The following CNTN3 variants were observed in gnomAD, a reference collection of about 807,000 sequenced individuals.
The protein encoded by CNTN3 is contactin 3.
CNTN3 carries 60 observed loss-of-function variants against 119.1 expected under a neutral mutation model. The observed-to-expected ratio is 0.50, with a 90% CI of 0.41 to 0.62. CNTN3 has a LOEUF of 0.62. Among genes scored for constraint, CNTN3 ranks in the 20% least tolerant of loss-of-function variants. The pLI is 0.00. For synonymous variants in CNTN3, 450 were observed against 438.7 expected (o/e 1.03, Z -0.32); for missense variants, 1,101 against 1,242.4 (o/e 0.89, Z 1.71).
At chr3:74,591,910 A>G (rs764339351) in intron 1 of CNTN3, among the ~76,000 whole-genome samples, 5 of 151,930 alleles carry the variant, frequency 3.3e-5, no homozygotes, top group East Asian at 1.9e-4. Flanking sequence ...CAGAAGCACC[A>G]GAGATGTAGA....
intron 4 of CNTN3, among the ~76,000 whole-genome samples, chr3:74,467,986 T>C (rs1171053182): frequency 6.6e-6 from 1 of 152,188 alleles, no homozygotes; most frequent in East Asian, 1.9e-4. Context: ...TGGCATTATA[T>C]CGGAACAAAA....
At chr3:74,462,362 A>C (rs564960661) in intron 4 of CNTN3, among the ~76,000 whole-genome samples, 1 of 152,064 alleles carries the variant, frequency 6.6e-6, no homozygotes, top group Non-Finnish European at 1.5e-5. Context: ...ATTTAATCTT[A>C]ATCTACTCTC....
chr3:74,445,867 C>G (rs1408132146), intron 4 of CNTN3, among the ~76,000 whole-genome samples: 1 of 152,098 alleles, frequency 6.6e-6, no homozygotes, highest in Non-Finnish European at 1.5e-5. Context: ...CAGAAATAAA[C>G]CTGAAATTGG....
rs560527583 is a variant in CNTN3, at chr3:74,517,542, C to T, written c.55+3516G>A. ...ATAATTCAGTTTTATCAAAGTATTA[C>T]GGACCTCAATGTATTTTCTTCCCCC... is the stretch of plus-strand genomic sequence containing the variant. On this transcript the variant is annotated intron_variant, in intron 2 of 22. Coordinates refer to ENST00000263665, the MANE Select transcript of CNTN3 (RefSeq NM_020872.3). 3.3e-5 allele frequency among the ~76,000 whole-genome samples: 5 copies of T among 151,970 alleles called. No homozygotes were observed. The East Asian group carries it at 5.8e-4, about 18-fold the overall frequency.
intron 11 of CNTN3, among the ~76,000 whole-genome samples, chr3:74,357,290 TA>T (rs1174398196): frequency 8.6e-5 from 13 of 151,658 alleles, no homozygotes; most frequent in Non-Finnish European, 1.5e-4. Context: ...CAATTATTAT[TA>T]TTTTTTTAAT....
At chr3:74,287,187 A>T (rs1319245212) in intron 19 of CNTN3, among the ~76,000 whole-genome samples, 1 of 152,204 alleles carries the variant, frequency 6.6e-6, no homozygotes, top group Non-Finnish European at 1.5e-5. Context: ...ATGAGGCAAT[A>T]CAATTTTTTC....
At chr3:74,407,961 T>C (rs1396322679) in intron 5 of CNTN3, among the ~76,000 whole-genome samples, 1 of 152,168 alleles carries the variant, frequency 6.6e-6, no homozygotes, top group Non-Finnish European at 1.5e-5. Context: ...GGTTCCCCAA[T>C]GGTTGTTGGT....
At position 74,371,234 on chromosome 3, in the gene CNTN3, A is replaced by T. The variant is rs207463214; in HGVS notation, c.620T>A (p.Val207Glu). The T allele has an allele frequency of 6.2e-7, 1 of 1,613,354 alleles. No individual in the cohort carries two copies. The highest frequency in any genetic ancestry group is 1.7e-5 in the Admixed American group (1 of 59,912). The change falls in exon 6 of 23, where the codon GTG (valine) becomes GAG (glutamate). Residue 207 changes from valine to glutamate, a missense_variant. Val to Glu is a moderately radical substitution (Grantham distance 121). Transcript: ENST00000263665. ...VVTSMVTNAR[V>E]LGSPTPLVLR... ...CACCAAAGGAGTTGGAGAGCCCAGC[A>T]CTCGGGCATTTGTCACCATACTTGT...
chr3:74,470,990 C>T (rs1304033278), intron 4 of CNTN3, among the ~76,000 whole-genome samples: 2 of 152,062 alleles, frequency 1.3e-5, no homozygotes, highest in Non-Finnish European at 2.9e-5. Flanking sequence ...GATTCTCCTG[C>T]CTCAGCCTCC....
At chr3:74,330,081 C>T (rs1041041225) in intron 13 of CNTN3, among the ~76,000 whole-genome samples, 1 of 152,146 alleles carries the variant, frequency 6.6e-6, no homozygotes, top group Non-Finnish European at 1.5e-5. Context: ...GCTGCCTGGG[C>T]CTAGTGCCTC....
At chr3:74,592,074 A>G (rs1575852808) in intron 1 of CNTN3, among the ~76,000 whole-genome samples, 1 of 152,076 alleles carries the variant, frequency 6.6e-6, no homozygotes, top group East Asian at 1.9e-4. Context: ...CCAAAAGTTC[A>G]GTGGTATAAA....
intron 13 of CNTN3, among the ~76,000 whole-genome samples, chr3:74,320,821 A>G (rs532292041): frequency 6.6e-5 from 10 of 152,250 alleles, no homozygotes; most frequent in African/African-American, 2.2e-4. Context: ...GCAATTTTTC[A>G]TGTATGCCAG....
chr3:74,465,820 C>T (rs1702451025), intron 4 of CNTN3, among the ~76,000 whole-genome samples: 1 of 152,044 alleles, frequency 6.6e-6, no homozygotes, highest in Admixed American at 6.6e-5. Flanking sequence ...GTGTCTGAAC[C>T]CTGAAGGAGA....
At chr3:74,329,348 A>T (rs1043755289) in intron 13 of CNTN3, among the ~76,000 whole-genome samples, 1 of 152,196 alleles carries the variant, frequency 6.6e-6, no homozygotes, top group Non-Finnish European at 1.5e-5. Context: ...TTATCCACAA[A>T]CATTCTAATT....
chr3:74,330,717 C>T (rs747024754), intron 13 of CNTN3, among the ~76,000 whole-genome samples: 1 of 152,102 alleles, frequency 6.6e-6, no homozygotes, highest in Non-Finnish European at 1.5e-5. Context: ...CATGTTATTG[C>T]CCCTGCAGAC....
At chr3:74,525,095 C>T (rs911446819) in intron 1 of CNTN3, among the ~76,000 whole-genome samples, 1 of 151,670 alleles carries the variant, frequency 6.6e-6, no homozygotes, top group Non-Finnish European at 1.5e-5. Context: ...TTGAAATAAA[C>T]ATTCAAATTA....
At chr3:74,431,991 G>C (rs1701791501) in intron 4 of CNTN3, among the ~76,000 whole-genome samples, 1 of 151,934 alleles carries the variant, frequency 6.6e-6, no homozygotes, top group Non-Finnish European at 1.5e-5. Flanking sequence ...CTATCCAGTA[G>C]TGATAATTTG....
chr3:74,482,794 T>G (rs938236896), intron 4 of CNTN3, among the ~76,000 whole-genome samples: 2 of 152,154 alleles, frequency 1.3e-5, no homozygotes, highest in Non-Finnish European at 2.9e-5. Context: ...AAGATTCCTC[T>G]GAAGTCATGA....
At chr3:74,276,426 T>C (rs1039097431) in intron 20 of CNTN3, among the ~76,000 whole-genome samples, 7 of 152,076 alleles carry the variant, frequency 4.6e-5, no homozygotes, top group African/African-American at 1.4e-4. Flanking sequence ...AAAATTGAAA[T>C]TATATCAAGC....
Sources: gnomAD v4.1 joint callset for allele counts (sites outside exome capture counted in the v4.1 genomes callset) on GRCh38, gnomAD v4.1.1 for gene constraint, MANE v1.5 for transcripts, NCBI Gene and HGNC (gene_info 2026-07-23, HGNC 2026-07-21) for gene names.